GRID2: variants seen among roughly 807,000 people sequenced by gnomAD.
GRID2 encodes glutamate receptor ionotropic, delta-2.
A neutral mutation model predicts 114.8 loss-of-function variants in GRID2; 33 were observed. The observed-to-expected ratio is 0.29, with a 90% CI of 0.22 to 0.38. The LOEUF is 0.38. Ranked by LOEUF, GRID2 falls within the 10% of genes least tolerant of loss-of-function variation. GRID2 has a pLI of 1.00. For synonymous variants in GRID2, 505 were observed against 449.9 expected (o/e 1.12, Z -1.55); for missense variants, 1,184 against 1,257.7 (o/e 0.94, Z 0.89).
rs573665177 is a variant in GRID2, at chr4:93,645,920, T to G, written c.2360+19485T>G. Among the ~76,000 whole-genome samples the G allele has an allele frequency of 2.6e-5, 4 of 152,304 alleles. No individual in the cohort carries two copies. The East Asian group carries it at 7.7e-4, about 29-fold the overall frequency. ...CATAATAAAGTAGGTGTTCAATGAA[T>G]TTTTGTTAATAATATTTGAGGGGGA... On this transcript the variant is annotated intron_variant, in intron 14 of 15. Coordinates refer to ENST00000282020, the MANE Select transcript of GRID2 (RefSeq NM_001510.4).
chr4:93,214,015 A>C (rs995135223), intron 5 of GRID2, among the ~76,000 whole-genome samples: 2 of 152,080 alleles, frequency 1.3e-5, no homozygotes, highest in Non-Finnish European at 2.9e-5. Context: ...ATCATTTGTT[A>C]TTGCAATGTT....
chr4:93,556,463 A>G (rs991909667), intron 13 of GRID2, among the ~76,000 whole-genome samples: 5 of 152,230 alleles, frequency 3.3e-5, no homozygotes, highest in Admixed American at 2.0e-4. Flanking sequence ...TGCAGCATAC[A>G]CAAGTATCAA....
chr4:92,489,393 C>T (rs1270258485), intron 1 of GRID2, among the ~76,000 whole-genome samples: 1 of 152,096 alleles, frequency 6.6e-6, no homozygotes, highest in Non-Finnish European at 1.5e-5. Flanking sequence ...TCATTGAAAT[C>T]TCGATTTTGT....
intron 10 of GRID2, among the ~76,000 whole-genome samples, chr4:93,428,066 T>C (rs1472345740): frequency 1.3e-5 from 2 of 152,040 alleles, no homozygotes; most frequent in Non-Finnish European, 2.9e-5. Context: ...AACTCTGAAT[T>C]AGATACAGTT....
intron 1 of GRID2, among the ~76,000 whole-genome samples, chr4:92,393,578 C>T (rs947965812): frequency 3.0e-4 from 46 of 152,124 alleles, no homozygotes; most frequent in African/African-American, 1.1e-3. Flanking sequence ...AATATTTGCC[C>T]TATATAATTT....
chr4:92,682,918 T>C (rs1235102367), intron 2 of GRID2, among the ~76,000 whole-genome samples: 1 of 152,160 alleles, frequency 6.6e-6, no homozygotes. Flanking sequence ...TGGCATCTTA[T>C]GCTTGTAGCC....
chr4:93,093,772 G>A (rs913291215), intron 3 of GRID2, among the ~76,000 whole-genome samples: 16 of 151,980 alleles, frequency 1.1e-4, no homozygotes, highest in Admixed American at 7.9e-4. Flanking sequence ...ATATTGATAC[G>A]TGCCTAGGGT....
intron 9 of GRID2, among the ~76,000 whole-genome samples, chr4:93,407,410 G>A (rs1411148368): frequency 6.6e-6 from 1 of 152,098 alleles, no homozygotes; most frequent in African/African-American, 2.4e-5. Context: ...AAGGAAGGAA[G>A]GTAATATACT....
chr4:93,254,544 T>C (rs1749354384), intron 8 of GRID2, among the ~76,000 whole-genome samples: 2 of 152,084 alleles, frequency 1.3e-5, no homozygotes, highest in Non-Finnish European at 2.9e-5. Context: ...TAAATGGAAT[T>C]GTATTTGAAA....
intron 6 of GRID2, among the ~76,000 whole-genome samples, chr4:93,218,219 T>G (rs1274172481): frequency 1.3e-5 from 2 of 151,968 alleles, no homozygotes; most frequent in Non-Finnish European, 2.9e-5. Flanking sequence ...GTCCTTTCCA[T>G]GGCCAGGTGC....
intron 4 of GRID2, among the ~76,000 whole-genome samples, chr4:93,162,274 CTTAA>C (rs765003453): frequency 1.3e-5 from 2 of 151,884 alleles, no homozygotes; most frequent in Non-Finnish European, 2.9e-5. Context: ...GAAGACAGTG[CTTAA>C]TTAAATTGTA....
intron 2 of GRID2, among the ~76,000 whole-genome samples, chr4:93,052,384 G>A (rs1200792849): frequency 6.6e-6 from 1 of 151,846 alleles, no homozygotes; most frequent in Non-Finnish European, 1.5e-5. Context: ...ATCTTTAGGT[G>A]ATTTTGTAGT....
intron 8 of GRID2, among the ~76,000 whole-genome samples, chr4:93,332,293 T>TGA (rs1182268164): frequency 6.8e-4 from 78 of 114,754 alleles, no homozygotes; most frequent in African/African-American, 2.5e-3. Flanking sequence ...TGTGTGTGTG[T>TGA]GTGTGTGAGA....
intron 14 of GRID2, among the ~76,000 whole-genome samples, chr4:93,682,859 C>A (rs1725709211): frequency 6.6e-6 from 1 of 151,032 alleles, no homozygotes; most frequent in South Asian, 2.1e-4. Flanking sequence ...TGGAGCACAC[C>A]AGCATGGCAC....
intron 13 of GRID2, among the ~76,000 whole-genome samples, chr4:93,538,299 A>T (rs1406924919): frequency 1.3e-5 from 2 of 151,738 alleles, no homozygotes; most frequent in Admixed American, 1.3e-4. Context: ...ACACTTTCTC[A>T]TGGCCAGAAC....
At chr4:92,687,188 T>A (rs1409056627) in intron 2 of GRID2, among the ~76,000 whole-genome samples, 3 of 151,972 alleles carry the variant, frequency 2.0e-5, no homozygotes, top group African/African-American at 7.2e-5. Flanking sequence ...TTTGATTTTT[T>A]TTTTTTTTCA....
At chr4:92,947,500 G>A (rs544746804) in intron 2 of GRID2, among the ~76,000 whole-genome samples, 4 of 151,672 alleles carry the variant, frequency 2.6e-5, no homozygotes, top group African/African-American at 9.7e-5. Flanking sequence ...ATTATAAAGG[G>A]ATTTTTATTA....
intron 2 of GRID2, among the ~76,000 whole-genome samples, chr4:92,807,078 TATTC>T (rs914752470): frequency 6.6e-6 from 1 of 152,020 alleles, no homozygotes; most frequent in Admixed American, 6.6e-5. Context: ...GTTTTCTACA[TATTC>T]ATCCAATATT....
intron 1 of GRID2, among the ~76,000 whole-genome samples, chr4:92,379,877 G>A (rs535701224): frequency 2.6e-4 from 39 of 151,990 alleles, no homozygotes; most frequent in African/African-American, 8.9e-4. Context: ...TTATATATAG[G>A]TATTAAATTG....
Sources: gnomAD v4.1 joint callset for allele counts (sites outside exome capture counted in the v4.1 genomes callset) on GRCh38, gnomAD v4.1.1 for gene constraint, MANE v1.5 for transcripts, NCBI Gene and HGNC (gene_info 2026-07-23, HGNC 2026-07-21) for gene names.